MEGF6: variants seen among roughly 807,000 people sequenced by gnomAD.
MEGF6 encodes multiple EGF like domains 6.
Under a neutral mutation model 207.1 loss-of-function variants are expected in MEGF6, and 184 were observed. The observed-to-expected ratio is 0.89, with a 90% confidence interval of 0.79 to 1.00. The LOEUF (loss-of-function observed/expected upper bound fraction) is 1.00, where lower values mean the gene tolerates loss of function less well. MEGF6 is among the 50% of genes least tolerant of loss of function. The pLI is 0.00. For synonymous variants in MEGF6, 1,038 were observed against 910.0 expected, an observed-to-expected ratio of 1.14 and a Z score of -2.53; for missense variants, 2,282 against 2,202.9, an observed-to-expected ratio of 1.04 and a Z score of -0.72.
chr1:3,518,107 G>A (rs148401203), intron 5 of MEGF6, among the ~76,000 whole-genome samples: 1 of 152,334 alleles, frequency 6.6e-6, no homozygotes, highest in Non-Finnish European at 1.5e-5. Flanking sequence ...TGTTATGAAT[G>A]GAATGTGTCC....
At position 3,501,252 on chromosome 1, in the gene MEGF6, G is replaced by C; in HGVS notation, c.2371C>G (p.His791Asp). The change falls in exon 19 of 37, where the codon CAC becomes GAC. Residue 791 changes from histidine (H) to aspartate (D), a missense_variant. Transcript: ENST00000356575. ...GTCTCAGGGTCGCAGCGGGCAGCGT[G>C]CTGGCATGCTGGGCAGATCTCCTGG... The part of the protein sequence containing the change: ...GCQEICPACQ[H>D]AARCDPETGA... 6.2e-7 allele frequency: 1 copy of C among 1,609,184 alleles called. No individual in the cohort carries two copies. Among genetic ancestry groups the C allele is most frequent in the Non-Finnish European group, 8.5e-7 (1 of 1,178,532 alleles).
chr1:3,551,543 A>C (rs898099280), intron 4 of MEGF6, among the ~76,000 whole-genome samples: 25 of 152,178 alleles, frequency 1.6e-4, no homozygotes, highest in Admixed American at 5.2e-4. Flanking sequence ...CTCCCTGGCC[A>C]GACACAAGGT....
chr1:3,536,128 C>T (rs1041166084), intron 4 of MEGF6, among the ~76,000 whole-genome samples: 16 of 152,176 alleles, frequency 1.1e-4, no homozygotes, highest in South Asian at 4.1e-4. Flanking sequence ...CCCTTCCTCC[C>T]GCCCAACAGA....
intron 3 of MEGF6, among the ~76,000 whole-genome samples, chr1:3,590,103 T>C (rs1418346478): frequency 2.6e-5 from 4 of 152,084 alleles, no homozygotes; most frequent in Admixed American, 2.0e-4. Context: ...GCACAGCCCG[T>C]ATGAGGAGTT....
At chr1:3,599,834 TG>T (rs1362988234) in intron 2 of MEGF6, among the ~76,000 whole-genome samples, 1 of 152,094 alleles carries the variant, frequency 6.6e-6, no homozygotes, top group Non-Finnish European at 1.5e-5. Flanking sequence ...GTTCTGCGCG[TG>T]GGCACCCCGT....
At position 3,488,700 on chromosome 1, in the gene MEGF6, C is replaced by T. The variant is rs568407030; in HGVS notation, c.*1828G>A. Among the ~76,000 whole-genome samples, 1 of 152,348 alleles carries T rather than the reference C, an allele frequency of 6.6e-6. No individual in the cohort carries two copies. The highest frequency in any genetic ancestry group is 2.1e-4 in the South Asian group (1 of 4,830). On this transcript the variant is annotated 3_prime_UTR_variant, in exon 37 of 37. Transcript: ENST00000356575. ...TGGAACATCACAGTTTTCTGGCTCT[C>T]CGTGTTTCTCACGTATAGTCTGAGG...
intron 4 of MEGF6, among the ~76,000 whole-genome samples, chr1:3,548,242 C>T (rs868585619): frequency 3.9e-5 from 6 of 152,230 alleles, no homozygotes; most frequent in Admixed American, 2.6e-4. Flanking sequence ...ACAGCGCGGG[C>T]CTTTCCGGAC....
Position 3,611,170 on chromosome 1 carries a change from C to T in MEGF6, c.99G>A (p.Pro33=). ...GCTGCAGCGGGAGCAGGGGCCGCGG[C>T]GGAACGCTGGCGCCCACGGGCACGG... ...LPAVPVGASV[P]PRPLLPLQPG... Residue 33 remains proline (P), a synonymous_variant, in exon 1 of 37, where the codon CCG becomes CCA. Coordinates refer to ENST00000356575, the MANE Select transcript of MEGF6 (RefSeq NM_001409.4). 1 of 1,541,768 alleles carries T rather than the reference C, an allele frequency of 6.5e-7. No individual in the cohort carries two copies.
chr1:3,520,618 G>A (rs373649569), intron 5 of MEGF6, among the ~76,000 whole-genome samples: 6 of 152,002 alleles, frequency 3.9e-5, no homozygotes, highest in South Asian at 2.1e-4. Context: ...AGGACTCGGC[G>A]GCCAGGGCAA....
rs181644653 is a variant in MEGF6, at chr1:3,599,831, G to A, written c.266+2635C>T. On this transcript the variant is annotated intron_variant, in intron 2 of 36. Transcript: ENST00000356575. ...CCCTGCCCTGCTGGGGCTGTTCTGC[G>A]CGTGGGCACCCCGTTTCTGTGCCCC... 1.2e-3 allele frequency among the ~76,000 whole-genome samples: 190 copies of A among 152,220 alleles called. 1 individual carries two copies. The highest frequency in any genetic ancestry group is 2.3e-3 in the East Asian group (12 of 5,180).
At chr1:3,508,253 G>A (rs1290644047) in intron 13 of MEGF6, among the ~76,000 whole-genome samples, 1 of 152,218 alleles carries the variant, frequency 6.6e-6, no homozygotes, top group Non-Finnish European at 1.5e-5. Flanking sequence ...ACCCCTCACT[G>A]TCTTAGTTAT....
At chr1:3,492,990 G>A (rs996960294) in intron 34 of MEGF6, 1 of 598,180 alleles carries the variant, frequency 1.7e-6, no homozygotes. Context: ...GCTCCTGCAT[G>A]AGAAAGCCCA....
Position 3,583,887 on chromosome 1 carries a change from C to CACA in MEGF6, c.377-3959_377-3958insTGT, listed in dbSNP as rs1239992267. Among the ~76,000 whole-genome samples, 84 of 152,172 alleles carry CACA rather than the reference C, an allele frequency of 5.5e-4. 2 individuals are homozygous for CACA. Among genetic ancestry groups the CACA allele is most frequent in the African/African-American group, 1.7e-3 (69 of 41,478 alleles). On this transcript the variant is annotated intron_variant, in intron 3 of 36. Coordinates refer to ENST00000356575, the MANE Select transcript of MEGF6 (RefSeq NM_001409.4). ...GACAACGCGCAGCCACCAGACAACG[C>CACA]GCAGCCACCAGACAACGCGCAGCCA...
At chr1:3,611,068 C>A in intron 1 of MEGF6, 70 bp downstream of exon 1, 1 of 1,391,708 alleles carries the variant, frequency 7.2e-7, no homozygotes, top group South Asian at 1.6e-5. Context: ...GAGCTCGGTC[C>A]ACCACGGGCC....
In MEGF6 at chr1:3,497,071, C is replaced by T; in HGVS notation, c.3530G>A (p.Cys1177Tyr). The T allele has an allele frequency of 6.4e-7, 1 of 1,567,064 alleles. No individual in the cohort carries two copies. ...GTGGCAGGCCGGGTTCTCACCGGGA[C>T]ACTGGCACATCTGCGCACAGTCCTC... ...FGEDCAQMCQ[C>Y]PGENPACHPA... The change falls in exon 28 of 37, where the codon TGT becomes TAT. Residue 1177 changes from cysteine to tyrosine, a missense_variant. By Grantham distance (194) the Cys-to-Tyr change is radical. Transcript: ENST00000356575.
chr1:3,496,092 G>A, intron 29 of MEGF6, 74 bp from the exon 30 acceptor site: 1 of 1,441,848 alleles, frequency 6.9e-7, no homozygotes, highest in Non-Finnish European at 9.1e-7. Flanking sequence ...AGTGGGGATA[G>A]GACAGGATGG....
At chr1:3,618,034 G>A in the MEGF6 span, among the ~76,000 whole-genome samples, 4 of 152,226 alleles carry the variant, frequency 2.6e-5, no homozygotes, top group African/African-American at 7.2e-5. This position sits in a 1 kb window ranked among gnomAD's most constrained non-coding sequence, Gnocchi z 4.7. Context: ...GCCCTGCCCT[G>A]GGGCAGCGAC....
rs562726961 is a variant in MEGF6 at position 3,488,588 on chromosome 1, C to G, written c.*1940G>C. 1.3e-4 allele frequency among the ~76,000 whole-genome samples: 20 copies of G among 152,218 alleles called. No individual in the cohort carries two copies. The highest frequency in any genetic ancestry group is 4.8e-4 in the African/African-American group (20 of 41,438). ...GAAAAATGGCCGAGGCCTTGAAGGC[C>G]TAAGAATAACATGGACTTTGCATGC... On this transcript the variant is annotated 3_prime_UTR_variant, in exon 37 of 37. Coordinates refer to ENST00000356575, the MANE Select transcript of MEGF6 (RefSeq NM_001409.4).
intron 35 of MEGF6, 129 bp downstream of exon 35, chr1:3,492,510 A>G: frequency 7.7e-7 from 1 of 1,304,468 alleles, no homozygotes; most frequent in Non-Finnish European, 1.1e-6. Flanking sequence ...GACATTCGCT[A>G]TGTCTGAATA....
Sources: allele counts gnomAD v4.1 joint callset (sites outside exome capture counted in the v4.1 genomes callset), GRCh38; gene constraint gnomAD v4.1.1; non-coding constraint Gnocchi (gnomAD v3.1); transcripts MANE v1.5; gene names NCBI Gene and HGNC (gene_info 2026-07-23, HGNC 2026-07-21).